MRO: variants seen among roughly 807,000 people sequenced by gnomAD.
MRO encodes maestro.
In MRO, 28 loss-of-function variants were observed where a neutral mutation model predicts 31.0. That is an observed-to-expected ratio of 0.90 (90% CI 0.67 to 1.24). The LOEUF (loss-of-function observed/expected upper bound fraction) is 1.24, where lower values mean the gene tolerates loss of function less well. Ranked by LOEUF, MRO falls within the 50% of genes most tolerant of loss-of-function variation. The probability of loss-of-function intolerance (pLI) is 0.00; values close to 1 mark genes in which losing one functional copy is unlikely to be tolerated. For synonymous variants in MRO, 108 were observed against 108.4 expected (o/e 1.00, Z 0.02); for missense variants, 332 against 289.2 (o/e 1.15, Z -1.07).
Position 50,795,660 on chromosome 18 carries a change from C to G in MRO, c.*3677G>C, listed in dbSNP as rs1263644228. 6.6e-6 allele frequency: 1 copy of G among 152,406 alleles called. No individual in the cohort carries two copies. The highest frequency in any genetic ancestry group is 1.5e-5 in the Non-Finnish European group (1 of 68,224). The allele number at this position is 152,406 out of a possible 1,614,324, so 9.4% of individuals were successfully genotyped here. On this transcript the variant is annotated 3_prime_UTR_variant, in exon 8 of 8. Transcript: ENST00000398439. ...CCCCTTTAAGAAAGACCTATCTCAG[C>G]CAGGAGCGGTGGCTCACGCCTGTAA... is the stretch of plus-strand genomic sequence containing the variant.
chr18:50,804,131 A>T (rs552395603), intron 5 of MRO, among the ~76,000 whole-genome samples: 1 of 152,320 alleles, frequency 6.6e-6, no homozygotes, highest in South Asian at 2.1e-4. Context: ...AAGTGAAGAT[A>T]ATTACAGTGC....
chr18:50,823,225 C>G (rs534652899), upstream of MRO, among the ~76,000 whole-genome samples: 1 of 148,194 alleles, frequency 6.7e-6, no homozygotes, highest in East Asian at 2.0e-4. Context: ...AGGCTCTTCC[C>G]AAACTTCATG....
At chr18:50,820,197 CTG>C (rs533448437), upstream of MRO, 67 of 576,808 alleles carry the variant, frequency 1.2e-4, 1 homozygote, top group African/African-American at 1.1e-3. Context: ...GGATGGGACA[CTG>C]TGTTCCATGC....
Position 50,819,916 on chromosome 18 carries a change from G to C in MRO, c.-146C>G, listed in dbSNP as rs1456503772. 7 of 1,551,614 alleles carry C rather than the reference G, an allele frequency of 4.5e-6. No individual in the cohort carries two copies. Among genetic ancestry groups the C allele is most frequent in the Non-Finnish European group, 6.1e-6 (7 of 1,146,972 alleles). ...TGCTACCTTTGCTTCCCCACGCCAT[G>C]CTGAGGTGTTTTTCCTTCTCCTTGC... On this transcript the variant is annotated 5_prime_UTR_variant, in exon 1 of 8. Transcript: ENST00000398439.
At position 50,805,199 on chromosome 18, in the gene MRO, G is replaced by A. The variant is rs773066876; in HGVS notation, c.384C>T (p.Ser128=). ...TCTGAAGGGTGATATCTATGAAGAA[G>A]GAACCCAAACCTTTCCCCTGGATCT... is the stretch of plus-strand genomic sequence containing the variant. ...LGKIQGKGLG[S]FFIDITLQTR... is the part of the protein sequence containing the mutation. The change falls in exon 5 of 8, where the codon TCC becomes TCT. Residue 128 remains serine, a synonymous_variant. Coordinates refer to ENST00000398439, the MANE Select transcript of MRO (RefSeq NM_031939.6). The A allele has an allele frequency of 2.7e-5, 44 of 1,613,638 alleles. No individual in the cohort carries two copies. Among genetic ancestry groups the A allele is most frequent in the Non-Finnish European group, 3.4e-5 (40 of 1,179,688 alleles).
chr18:50,799,546 G>T (rs983086494), intron 7 of MRO, among the ~76,000 whole-genome samples, 156 bp from the exon 8 acceptor site: 1 of 152,178 alleles, frequency 6.6e-6, no homozygotes, highest in Admixed American at 6.6e-5. Context: ...TGGAACTGCC[G>T]ATATATCTCG....
chr18:50,813,156 A>G (rs1375429247), intron 2 of MRO, among the ~76,000 whole-genome samples: 1 of 152,120 alleles, frequency 6.6e-6, no homozygotes, highest in Non-Finnish European at 1.5e-5. Flanking sequence ...CCCTGGGTGG[A>G]TTTGGTCCAT....
rs1341926858 is a variant in MRO at position 50,795,426 on chromosome 18, G to T, written c.*3911C>A. On this transcript the variant is annotated 3_prime_UTR_variant, in exon 8 of 8. Transcript: ENST00000398439. The stretch of plus-strand genomic sequence containing the variant: ...ATCTGTCTTCTGTACAACACTAACT[G>T]CTAGCTACCCTACACAGCTGTTGTT... 6.6e-6 allele frequency: 1 copy of T among 152,134 alleles called. No individual in the cohort carries two copies. The highest frequency in any genetic ancestry group is 1.5e-5 in the Non-Finnish European group (1 of 68,040). The allele number at this position is 152,134 out of a possible 1,614,324, so 9.4% of individuals were successfully genotyped here.
At chr18:50,805,589 C>A (rs1448629581) in intron 4 of MRO, among the ~76,000 whole-genome samples, 1 of 152,112 alleles carries the variant, frequency 6.6e-6, no homozygotes, top group Non-Finnish European at 1.5e-5. Flanking sequence ...CTCAGTGGGG[C>A]TCTTCAAATA....
intron 6 of MRO, among the ~76,000 whole-genome samples, chr18:50,800,833 C>A: frequency 6.7e-6 from 1 of 149,574 alleles, no homozygotes; most frequent in East Asian, 2.0e-4. Flanking sequence ...TTGTAGTGAG[C>A]CGAGATCACA....
intron 5 of MRO, among the ~76,000 whole-genome samples, chr18:50,802,733 T>G (rs1288163865): frequency 1.3e-5 from 2 of 152,052 alleles, no homozygotes; most frequent in Non-Finnish European, 2.9e-5. Flanking sequence ...TTTGTTTTTG[T>G]TTTTGTTTTA....
At chr18:50,800,546 C>T (rs140224477) in intron 6 of MRO, among the ~76,000 whole-genome samples, 3 of 152,290 alleles carry the variant, frequency 2.0e-5, no homozygotes, top group Admixed American at 2.0e-4. Flanking sequence ...TGTTGGGATA[C>T]AATTTTCTCC....
Position 50,797,596 on chromosome 18 carries a change from T to C in MRO, c.*1741A>G, listed in dbSNP as rs1912893113. ...ACATTAACTGCATAGGTTTTTCTAC[T>C]CCAGAGCACGTAACCCCACCCATCT... On this transcript the variant is annotated 3_prime_UTR_variant, in exon 8 of 8. Transcript: ENST00000398439. 1 of 152,198 alleles carries C rather than the reference T, an allele frequency of 6.6e-6. No individual in the cohort carries two copies. The highest frequency in any genetic ancestry group is 1.5e-5 in the Non-Finnish European group (1 of 68,048). 9.4% of individuals were successfully genotyped at this position (152,198 alleles called of 1,614,324 possible).
intron 5 of MRO, among the ~76,000 whole-genome samples, chr18:50,804,841 G>A (rs1913748910): frequency 6.6e-6 from 1 of 151,554 alleles, no homozygotes; most frequent in South Asian, 2.1e-4. Context: ...TGCCAGGCTG[G>A]AGTGCAGTGG....
upstream of MRO, chr18:50,820,164 C>T (rs1173245949): frequency 5.0e-6 from 3 of 601,576 alleles, no homozygotes; most frequent in East Asian, 2.8e-5. Flanking sequence ...TTACATAATC[C>T]TGTTAGAGCG....
intron 3 of MRO, among the ~76,000 whole-genome samples, 150 bp downstream of exon 3, chr18:50,809,142 CTCAAAAAAAA>C (rs1338379825): frequency 7.5e-5 from 5 of 66,446 alleles, no homozygotes; most frequent in Non-Finnish European, 9.3e-5. Flanking sequence ...GAGACTCCGT[CTCAAAAAAAA>C]AAAAAAAAAA....
Position 50,796,778 on chromosome 18 carries a change from T to C in MRO, c.*2559A>G, listed in dbSNP as rs1485559159. ...AAAGCCTGAAATGGCAGACTGGACA[T>C]TGGACTTTATTCCCTCTACAATTTG... is the stretch of plus-strand genomic sequence containing the variant. On this transcript the variant is annotated 3_prime_UTR_variant, in exon 8 of 8. Transcript: ENST00000398439. 6.6e-6 allele frequency: 1 copy of C among 152,232 alleles called. No homozygotes were observed. The highest frequency in any genetic ancestry group is 1.5e-5 in the Non-Finnish European group (1 of 68,042). 9.4% of individuals were successfully genotyped at this position (152,232 alleles called of 1,614,324 possible).
In MRO at chr18:50,798,736, A is replaced by G; in HGVS notation, c.*601T>C. ...AGGATTTTCAACACATGCTTTATAG[A>G]TTTTTTTCTCTCTATTAATTCTTGT... is the stretch of plus-strand genomic sequence containing the variant. On this transcript the variant is annotated 3_prime_UTR_variant, in exon 8 of 8. Coordinates refer to ENST00000398439, the MANE Select transcript of MRO (RefSeq NM_031939.6). 6.6e-6 allele frequency: 1 copy of G among 152,162 alleles called. No individual in the cohort carries two copies. Among genetic ancestry groups the G allele is most frequent in the East Asian group, 1.9e-4 (1 of 5,194 alleles). 9.4% of individuals were successfully genotyped at this position (152,162 alleles called of 1,614,324 possible). A position where few individuals can be genotyped will look rare whatever the true frequency, so the allele number is the denominator to read the frequency against.
intron 3 of MRO, among the ~76,000 whole-genome samples, chr18:50,807,289 T>C (rs996853383): frequency 8.5e-5 from 13 of 152,210 alleles, no homozygotes; most frequent in Non-Finnish European, 1.8e-4. Context: ...GCCAAATGCC[T>C]TGAAAGACAT....
Sources: gnomAD v4.1 joint callset for allele counts (sites outside exome capture counted in the v4.1 genomes callset) on GRCh38, gnomAD v4.1.1 for gene constraint, MANE v1.5 for transcripts, NCBI Gene and HGNC (gene_info 2026-07-23, HGNC 2026-07-21) for gene names.